Variants in ARSG observed in about 807,000 individuals in gnomAD.
The protein encoded by ARSG is arylsulfatase G.
In ARSG, 37 loss-of-function variants were observed where a neutral mutation model predicts 50.5. The ratio of observed to expected loss-of-function variants is 0.73; its 90% CI spans 0.56 to 0.96. The LOEUF is 0.96. Among genes scored for constraint, ARSG ranks in the 50% least tolerant of loss-of-function variants. The pLI, the probability that ARSG is intolerant of heterozygous loss-of-function variation, is 0.00. For missense variants in ARSG, 629 were observed against 675.3 expected (o/e 0.93, Z 0.76); for synonymous variants, 225 against 254.6 (o/e 0.88, Z 1.11).
At chr17:68,350,740 T>C (rs1249468906) in intron 4 of ARSG, among the ~76,000 whole-genome samples, 1 of 151,696 alleles carries the variant, frequency 6.6e-6, no homozygotes, top group Non-Finnish European at 1.5e-5. Flanking sequence ...AGCCGAGATT[T>C]CCCCACTGCA....
At chr17:68,351,436 T>A in intron 4 of ARSG, 139 bp from the exon 5 acceptor site, 1 of 579,210 alleles carries the variant, frequency 1.7e-6, no homozygotes, top group Non-Finnish European at 3.2e-6. Flanking sequence ...GGGATATTAA[T>A]CAAATCCTCT....
the ARSG span, among the ~76,000 whole-genome samples, chr17:68,443,260 G>A: frequency 0.27 from 40,683 of 151,848 alleles, 5,607 homozygotes; most frequent in Admixed American, 0.3. Context: ...ACAGGCACTC[G>A]CCACCATGCT....
chr17:68,290,996 A>C (rs1319198), upstream of ARSG: 92,085 of 151,884 alleles, frequency 0.61, 28,366 homozygotes, highest in African/African-American at 0.72. Context: ...GCCTCCCATC[A>C]CAAAAAAAGG....
chr17:68,371,849 A>G (rs2079863018), intron 8 of ARSG, among the ~76,000 whole-genome samples: 2 of 152,214 alleles, frequency 1.3e-5, no homozygotes, highest in South Asian at 4.1e-4. Flanking sequence ...TTTACATGAA[A>G]TATTTTTAAA....
intron 1 of ARSG, among the ~76,000 whole-genome samples, chr17:68,280,179 C>CAAAAAA (rs58937538): frequency 2.3e-5 from 2 of 87,564 alleles, no homozygotes; most frequent in Non-Finnish European, 4.6e-5. Flanking sequence ...AACTCTGTCT[C>CAAAAAA]AAAAAAAAAA....
intron 2 of ARSG, among the ~76,000 whole-genome samples, chr17:68,318,746 C>G (rs1599700214): frequency 6.6e-6 from 1 of 152,296 alleles, no homozygotes; most frequent in Admixed American, 6.5e-5. Flanking sequence ...AATTTTGAGT[C>G]AAGTCAATGC....
At chr17:68,266,463 A>G (rs2075167315) in intron 1 of ARSG, among the ~76,000 whole-genome samples, 1 of 95,734 alleles carries the variant, frequency 1.0e-5, no homozygotes, top group Non-Finnish European at 2.2e-5. Flanking sequence ...AAGTATATAT[A>G]TGTATATATA....
rs1000901843 is a variant in ARSG at position 68,284,348 on chromosome 17, C to A, written c.-551-22595C>A. 4.6e-5 allele frequency among the ~76,000 whole-genome samples: 7 copies of A among 152,144 alleles called. No homozygotes were observed. In the South Asian group the frequency reaches 1.5e-3, roughly 32 times the overall value. On this transcript the variant is annotated intron_variant, in intron 1 of 11. Transcript: ENST00000448504. The stretch of plus-strand genomic sequence containing the variant: ...GGCAGAGGTTGCAATGAGCCAAGAT[C>A]GTGCCACTGCACTCCAGTCTGGGTG...
At chr17:68,435,099 C>G in the ARSG span, among the ~76,000 whole-genome samples, 1 of 151,506 alleles carries the variant, frequency 6.6e-6, no homozygotes, top group Non-Finnish European at 1.5e-5. Flanking sequence ...CTCAGCTACT[C>G]GGGAGGCTGA....
chr17:68,275,982 C>CAA (rs1193683472), intron 1 of ARSG, among the ~76,000 whole-genome samples: 11 of 116,478 alleles, frequency 9.4e-5, no homozygotes, highest in African/African-American at 3.2e-4. Context: ...GACTCCGTCT[C>CAA]AAAAAAAAAA....
chr17:68,330,804 G>T (rs1438075635), intron 2 of ARSG, among the ~76,000 whole-genome samples: 3 of 152,172 alleles, frequency 2.0e-5, no homozygotes, highest in Non-Finnish European at 4.4e-5. Context: ...TGATGGCATT[G>T]TGGAGGGCTA....
intron 4 of ARSG, 71 bp from the exon 5 acceptor site, chr17:68,351,504 C>T (rs1048474692): frequency 3.1e-5 from 25 of 795,822 alleles, no homozygotes; most frequent in South Asian, 4.1e-5. Flanking sequence ...ACATTTTTGT[C>T]GTGGGTGTAC....
intron 1 of ARSG, among the ~76,000 whole-genome samples, chr17:68,276,099 T>C (rs951495386): frequency 6.6e-6 from 1 of 152,104 alleles, no homozygotes; most frequent in African/African-American, 2.4e-5. Context: ...CTCTCTCTCT[T>C]TTTTTATTTT....
intron 9 of ARSG, among the ~76,000 whole-genome samples, chr17:68,387,079 TCACACACACACA>T (rs72320984): frequency 0.028 from 4,071 of 146,398 alleles, 181 homozygotes; most frequent in African/African-American, 0.096. Context: ...ATATAGTGTA[TCACACACACACA>T]CACACACACA....
intron 2 of ARSG, among the ~76,000 whole-genome samples, chr17:68,338,375 T>C (rs1404942761): frequency 1.3e-5 from 2 of 152,200 alleles, no homozygotes; most frequent in African/African-American, 2.4e-5. Flanking sequence ...AACTTCACTT[T>C]ATCTCAGTTT....
the ARSG span, among the ~76,000 whole-genome samples, chr17:68,430,958 TA>T: frequency 6.6e-6 from 1 of 152,156 alleles, no homozygotes; most frequent in East Asian, 1.9e-4. Flanking sequence ...ACCAATGGGC[TA>T]GGGGGTCTTT....
At chr17:68,385,262 A>G (rs3744302) in intron 9 of ARSG, 90 bp downstream of exon 9, 28,388 of 1,152,640 alleles carry the variant, frequency 0.025, 802 homozygotes, top group East Asian at 0.16. Context: ...ATGGGTGGCT[A>G]GATGGAGGCA....
chr17:68,296,920 T>A (rs1384302980), intron 1 of ARSG, among the ~76,000 whole-genome samples: 1 of 152,164 alleles, frequency 6.6e-6, no homozygotes, highest in Non-Finnish European at 1.5e-5. Flanking sequence ...GTCATCTAAG[T>A]TGAGGGGAAT....
chr17:68,287,947 C>T (rs1555754746), upstream of ARSG, among the ~76,000 whole-genome samples: 1 of 148,710 alleles, frequency 6.7e-6, no homozygotes, highest in African/African-American at 2.5e-5. Context: ...TCTCTTCTCT[C>T]TCTCTTTCTC....
Sources: gnomAD v4.1 joint callset for allele counts (sites outside exome capture counted in the v4.1 genomes callset) on GRCh38, gnomAD v4.1.1 for gene constraint, MANE v1.5 for transcripts, NCBI Gene and HGNC (gene_info 2026-07-23, HGNC 2026-07-21) for gene names.